The following OR2C1 variants were observed in gnomAD, a reference collection of about 807,000 sequenced individuals.
OR2C1 encodes the protein olfactory receptor family 2 subfamily C member 1.
For synonymous variants in OR2C1, 209 were observed against 167.3 expected (o/e 1.25, Z -1.92); for missense variants, 468 against 388.3 (o/e 1.21, Z -1.73).
chr16:3,338,700 G>A, the OR2C1 span, among the ~76,000 whole-genome samples: 1 of 151,924 alleles, frequency 6.6e-6, no homozygotes, highest in East Asian at 1.9e-4. Flanking sequence ...AGCACGCCTG[G>A]CTAATTTTTT....
chr16:3,323,379 T>G, the OR2C1 span: 3 of 971,032 alleles, frequency 3.1e-6, no homozygotes, highest in Non-Finnish European at 4.9e-6. Flanking sequence ...TCCAAGCAAA[T>G]GACACCAAAC....
chr16:3,333,581 C>G, the OR2C1 span, among the ~76,000 whole-genome samples: 2 of 152,062 alleles, frequency 1.3e-5, no homozygotes, highest in African/African-American at 4.8e-5. Flanking sequence ...GTGATCCGCC[C>G]GGCTCGGCCT....
At chr16:3,351,976 T>C (rs1247391077), upstream of OR2C1, among the ~76,000 whole-genome samples, 2 of 151,730 alleles carry the variant, frequency 1.3e-5, no homozygotes, top group South Asian at 2.1e-4. Context: ...TCAGCCAGAA[T>C]TGTTTCTTTG....
the OR2C1 span, among the ~76,000 whole-genome samples, chr16:3,336,708 C>CTTTTTTT: frequency 7.7e-4 from 72 of 93,764 alleles, 1 homozygote; most frequent in Non-Finnish European, 9.8e-4. Flanking sequence ...TTCTTTCTTT[C>CTTTTTTT]TTTCTTTTTT....
the OR2C1 span, among the ~76,000 whole-genome samples, chr16:3,348,083 G>T: frequency 2.0e-5 from 3 of 152,180 alleles, no homozygotes; most frequent in Admixed American, 6.5e-5. Context: ...CGGAATGAGG[G>T]CTACTAGTGT....
upstream of OR2C1, among the ~76,000 whole-genome samples, chr16:3,355,389 C>T (rs1362141549): frequency 2.2e-5 from 3 of 137,554 alleles, no homozygotes; most frequent in African/African-American, 5.5e-5. Flanking sequence ...ACCTGGGAGG[C>T]GGAAGTTGCA....
upstream of OR2C1, among the ~76,000 whole-genome samples, chr16:3,350,971 G>T (rs546201644): frequency 6.8e-6 from 1 of 147,654 alleles, no homozygotes; most frequent in Admixed American, 6.8e-5. Flanking sequence ...AGCCTGGGAG[G>T]TTGAGGCTGC....
chr16:3,334,197 G>A, the OR2C1 span, among the ~76,000 whole-genome samples: 2 of 150,946 alleles, frequency 1.3e-5, no homozygotes, highest in African/African-American at 4.9e-5. Flanking sequence ...AAGTGCAGTG[G>A]TGCAACTTCA....
At chr16:3,333,434 C>CCA in the OR2C1 span, among the ~76,000 whole-genome samples, 1 of 151,754 alleles carries the variant, frequency 6.6e-6, no homozygotes, top group African/African-American at 2.4e-5. Context: ...CTCCCGGGTT[C>CCA]GCGCCATTCT....
the OR2C1 span, among the ~76,000 whole-genome samples, chr16:3,350,705 C>G: frequency 6.6e-6 from 1 of 151,846 alleles, no homozygotes; most frequent in African/African-American, 2.4e-5. Flanking sequence ...GCCACGTGCC[C>G]GGCCCCAAAG....
At chr16:3,350,837 T>C in the OR2C1 span, among the ~76,000 whole-genome samples, 3 of 151,460 alleles carry the variant, frequency 2.0e-5, no homozygotes, top group Non-Finnish European at 4.4e-5. Context: ...CATGCACAAC[T>C]CTGTTCTGGG....
upstream of OR2C1, among the ~76,000 whole-genome samples, chr16:3,355,672 C>G (rs1161471442): frequency 2.6e-5 from 4 of 151,796 alleles, no homozygotes; most frequent in African/African-American, 9.7e-5. Flanking sequence ...GTCACAGTTA[C>G]TTGGGAGGCT....
the OR2C1 span, among the ~76,000 whole-genome samples, chr16:3,325,445 T>G: frequency 6.3e-5 from 9 of 143,398 alleles, 1 homozygote; most frequent in African/African-American, 2.3e-4. Context: ...AGGGTGTAAT[T>G]GCATTATGTC....
chr16:3,330,412 G>C, the OR2C1 span, among the ~76,000 whole-genome samples: 1 of 152,078 alleles, frequency 6.6e-6, no homozygotes. Context: ...CACCATGCCC[G>C]GCTGATTTTA....
At chr16:3,340,072 A>G in the OR2C1 span, among the ~76,000 whole-genome samples, 2 of 152,094 alleles carry the variant, frequency 1.3e-5, no homozygotes, top group Admixed American at 6.6e-5. Flanking sequence ...TGAGGTCAGG[A>G]GTTCGAGACC....
upstream of OR2C1, among the ~76,000 whole-genome samples, chr16:3,353,989 T>A (rs1282175921): frequency 2.3e-5 from 3 of 130,830 alleles, no homozygotes; most frequent in Admixed American, 2.2e-4. Context: ...TTTTCTTTTT[T>A]TTTTTTTTTT....
chr16:3,353,760 C>A (rs996175112), upstream of OR2C1, among the ~76,000 whole-genome samples: 1 of 151,846 alleles, frequency 6.6e-6, no homozygotes, highest in African/African-American at 2.4e-5. Flanking sequence ...GAGATCACGC[C>A]ACTGCACTCC....
upstream of OR2C1, among the ~76,000 whole-genome samples, chr16:3,351,197 G>GCCTTTTTTTTTTTTTTTTTTTTT (rs1567284861): frequency 3.6e-5 from 2 of 55,434 alleles, 1 homozygote. Context: ...CTGAATTTAA[G>GCCTTTTTTTTTTTTTTTTTTTTT]TCTTTTTTCT....
At chr16:3,357,489 T>A (rs3848355), downstream of OR2C1, among the ~76,000 whole-genome samples, 1 of 151,922 alleles carries the variant, frequency 6.6e-6, no homozygotes, top group Non-Finnish European at 1.5e-5. Context: ...TCCTTCAGTC[T>A]TCTGAGTAGC....
Sources: allele counts gnomAD v4.1 joint callset (sites outside exome capture counted in the v4.1 genomes callset), GRCh38; gene constraint gnomAD v4.1.1; transcripts MANE v1.5; gene names NCBI Gene and HGNC (gene_info 2026-07-23, HGNC 2026-07-21).